The following FBXO34 variants were observed in gnomAD, a reference collection of about 807,000 sequenced individuals.
FBXO34 encodes the protein F-box only protein 34.
A neutral mutation model predicts 24.5 loss-of-function variants in FBXO34; 12 were observed. The observed-to-expected ratio is 0.49, with a 90% CI of 0.31 to 0.79. FBXO34 has a LOEUF of 0.79. Ranked by LOEUF, FBXO34 falls within the 30% of genes least tolerant of loss-of-function variation. The pLI is 0.04. For missense variants in FBXO34, 823 were observed against 857.7 expected, an observed-to-expected ratio of 0.96 and a Z score of 0.51; for synonymous variants, 320 against 311.9, an observed-to-expected ratio of 1.03 and a Z score of -0.27.
the FBXO34 span, among the ~76,000 whole-genome samples, chr14:55,377,059 T>A: frequency 6.6e-6 from 1 of 152,108 alleles, no homozygotes; most frequent in Admixed American, 6.6e-5. Flanking sequence ...GATAAGAAAA[T>A]TGTGTGGCCA....
chr14:55,392,446 G>A, the FBXO34 span, among the ~76,000 whole-genome samples: 5 of 152,014 alleles, frequency 3.3e-5, no homozygotes, highest in Non-Finnish European at 7.4e-5. Flanking sequence ...TCAGGAGTTC[G>A]AGGCCAGCCT....
chr14:55,364,877 C>A (rs2140107322), downstream of FBXO34, among the ~76,000 whole-genome samples: 1 of 151,836 alleles, frequency 6.6e-6, no homozygotes, highest in African/African-American at 2.4e-5. Flanking sequence ...CCTGGGACCA[C>A]AGATGCACAC....
the FBXO34 span, among the ~76,000 whole-genome samples, chr14:55,421,864 T>G: frequency 6.6e-6 from 1 of 152,250 alleles, no homozygotes; most frequent in Non-Finnish European, 1.5e-5. Flanking sequence ...GTCATTTTGC[T>G]GGATGCTGAG....
At chr14:55,283,942 C>CTGTG (rs376134482) in intron 1 of FBXO34, among the ~76,000 whole-genome samples, 2,768 of 130,850 alleles carry the variant, frequency 0.021, 61 homozygotes, top group African/African-American at 0.064. Flanking sequence ...CATTCTAAGA[C>CTGTG]TATGTGTGTG....
intron 1 of FBXO34, among the ~76,000 whole-genome samples, chr14:55,290,544 C>T (rs1477882707): frequency 6.6e-6 from 1 of 152,142 alleles, no homozygotes; most frequent in Non-Finnish European, 1.5e-5. Flanking sequence ...TAATACTGCT[C>T]TATGTATGCT....
chr14:55,273,682 T>A (rs762124691), intron 1 of FBXO34, among the ~76,000 whole-genome samples: 22 of 152,192 alleles, frequency 1.4e-4, no homozygotes, highest in Admixed American at 3.9e-4. Flanking sequence ...GATGAAAGAA[T>A]CTTGGCAAGA....
At chr14:55,292,829 G>C (rs1488112757) in intron 1 of FBXO34, among the ~76,000 whole-genome samples, 1 of 152,188 alleles carries the variant, frequency 6.6e-6, no homozygotes, top group Non-Finnish European at 1.5e-5. Flanking sequence ...TTCTGGGTGA[G>C]AGGGAGGGGT....
the FBXO34 span, chr14:55,438,794 C>G: frequency 2.0e-5 from 3 of 152,280 alleles, no homozygotes; most frequent in East Asian, 1.9e-4. Flanking sequence ...TATCCACTTA[C>G]CTTTCTCAGA....
chr14:55,428,191 G>A, the FBXO34 span, among the ~76,000 whole-genome samples: 17 of 131,824 alleles, frequency 1.3e-4, no homozygotes, highest in African/African-American at 4.2e-4. Context: ...GTCCAGTGGC[G>A]CGAGGTCGGC....
chr14:55,308,430 C>T (rs1015927471), intron 1 of FBXO34, among the ~76,000 whole-genome samples: 4 of 152,144 alleles, frequency 2.6e-5, no homozygotes, highest in Non-Finnish European at 5.9e-5. Flanking sequence ...AACAGCCTTG[C>T]CTCGCTGTAG....
At chr14:55,306,635 C>T (rs541718263) in intron 1 of FBXO34, among the ~76,000 whole-genome samples, 3 of 152,236 alleles carry the variant, frequency 2.0e-5, no homozygotes, top group Non-Finnish European at 4.4e-5. Flanking sequence ...GAGATGGAGA[C>T]CAGCCTGGCC....
downstream of FBXO34, among the ~76,000 whole-genome samples, chr14:55,365,058 TAAA>T (rs563260970): frequency 0.38 from 46,554 of 124,090 alleles, 8,651 homozygotes; most frequent in Non-Finnish European, 0.43. Flanking sequence ...ATCTCTACTT[TAAA>T]AAAAAAAAAA....
chr14:55,385,475 TAG>T, the FBXO34 span, among the ~76,000 whole-genome samples: 11 of 152,220 alleles, frequency 7.2e-5, no homozygotes, highest in African/African-American at 2.7e-4. Context: ...GTATTTTTAG[TAG>T]AGACAGGGTT....
At chr14:55,344,166 C>G (rs1387594910) in intron 1 of FBXO34, among the ~76,000 whole-genome samples, 1 of 152,066 alleles carries the variant, frequency 6.6e-6, no homozygotes, top group Non-Finnish European at 1.5e-5. Flanking sequence ...GTAGTTGGTG[C>G]TCACCCTCTC....
At chr14:55,319,936 T>TGCTA (rs1883071226) in intron 1 of FBXO34, among the ~76,000 whole-genome samples, 1 of 152,168 alleles carries the variant, frequency 6.6e-6, no homozygotes, top group South Asian at 2.1e-4. Context: ...CCTCCTAAAG[T>TGCTA]GCTAGGATTA....
chr14:55,414,934 T>C, the FBXO34 span, among the ~76,000 whole-genome samples: 120 of 152,338 alleles, frequency 7.9e-4, no homozygotes, highest in African/African-American at 2.8e-3. Context: ...TAAATTTTAG[T>C]GCATGGGAAG....
chr14:55,341,901 C>G (rs891337272), intron 1 of FBXO34, among the ~76,000 whole-genome samples: 5 of 152,164 alleles, frequency 3.3e-5, no homozygotes, highest in African/African-American at 1.2e-4. Flanking sequence ...TAATAATTCA[C>G]AACAGCTTAA....
chr14:55,380,223 G>A, the FBXO34 span, among the ~76,000 whole-genome samples: 2 of 151,880 alleles, frequency 1.3e-5, no homozygotes, highest in Admixed American at 1.3e-4. Flanking sequence ...ACTCTGGCCT[G>A]GGCGACAGAG....
At chr14:55,341,047 G>A (rs987126731) in intron 1 of FBXO34, among the ~76,000 whole-genome samples, 8 of 152,176 alleles carry the variant, frequency 5.3e-5, no homozygotes, top group African/African-American at 1.9e-4. Context: ...GGGCAAAAAA[G>A]ACTATTCAGG....
Sources: allele counts gnomAD v4.1 joint callset (sites outside exome capture counted in the v4.1 genomes callset), GRCh38; gene constraint gnomAD v4.1.1; transcripts MANE v1.5; gene names NCBI Gene and HGNC (gene_info 2026-07-23, HGNC 2026-07-21).